Variants in ATP9A observed in about 807,000 individuals in gnomAD.
ATP9A encodes the protein ATPase phospholipid transporting 9A, also known as probable phospholipid-transporting ATPase IIA.
Under a neutral mutation model 144.1 loss-of-function variants are expected in ATP9A, and 52 were observed. That is an observed-to-expected ratio of 0.36 (90% CI 0.29 to 0.45). The LOEUF is 0.45. ATP9A is among the 20% of genes least tolerant of loss of function. The pLI, the probability that ATP9A is intolerant of heterozygous loss-of-function variation, is 1.00. For synonymous variants in ATP9A, 582 were observed against 557.4 expected, an observed-to-expected ratio of 1.04 and a Z score of -0.62; for missense variants, 947 against 1,392.7, an observed-to-expected ratio of 0.68 and a Z score of 5.09.
chr20:51,723,452 T>C (rs1215212732), intron 3 of ATP9A, among the ~76,000 whole-genome samples: 3 of 151,676 alleles, frequency 2.0e-5, no homozygotes, highest in East Asian at 3.9e-4. Context: ...CATGTGCCTG[T>C]AGTCCCAGCC....
At chr20:51,620,792 G>T (rs375458935) in intron 19 of ATP9A, among the ~76,000 whole-genome samples, 3 of 152,156 alleles carry the variant, frequency 2.0e-5, no homozygotes, top group Non-Finnish European at 2.9e-5. Flanking sequence ...CTGAAAGGAG[G>T]GGGGAGTGCG....
chr20:51,722,498 A>C (rs1487885171), intron 3 of ATP9A, among the ~76,000 whole-genome samples: 1 of 152,232 alleles, frequency 6.6e-6, no homozygotes, highest in African/African-American at 2.4e-5. Context: ...ATCAGTAAGA[A>C]AAAAACAAAC....
intron 6 of ATP9A, among the ~76,000 whole-genome samples, chr20:51,694,423 G>A (rs934078182): frequency 9.2e-5 from 14 of 152,182 alleles, no homozygotes; most frequent in Admixed American, 8.5e-4. Context: ...GAGATAGAAC[G>A]GGGACGAGCA....
intron 9 of ATP9A, among the ~76,000 whole-genome samples, chr20:51,685,018 A>T (rs1462730778): frequency 2.2e-3 from 12 of 5,428 alleles, no homozygotes; most frequent in Non-Finnish European, 4.0e-3. Flanking sequence ...CTCCAAAAAT[A>T]AAAAAAAAAA....
At chr20:51,715,677 T>A (rs1392159249) in intron 3 of ATP9A, among the ~76,000 whole-genome samples, 1 of 152,200 alleles carries the variant, frequency 6.6e-6, no homozygotes, top group African/African-American at 2.4e-5. Context: ...ACGCCATGCC[T>A]TAGTATTTTT....
chr20:51,730,247 C>T (rs897013857), intron 1 of ATP9A, among the ~76,000 whole-genome samples: 1 of 151,936 alleles, frequency 6.6e-6, no homozygotes, highest in Non-Finnish European at 1.5e-5. Context: ...GGTGGGCAGA[C>T]CACAAGGTCA....
intron 22 of ATP9A, among the ~76,000 whole-genome samples, chr20:51,614,575 C>T (rs564875517): frequency 2.0e-5 from 3 of 152,146 alleles, no homozygotes; most frequent in African/African-American, 7.2e-5. Context: ...TGCTGGGATT[C>T]CAGGCATGAG....
intron 1 of ATP9A, among the ~76,000 whole-genome samples, chr20:51,759,651 C>T (rs1009233393): frequency 1.2e-4 from 18 of 151,670 alleles, no homozygotes; most frequent in Non-Finnish European, 8.8e-5. Context: ...CCATCCTGGG[C>T]GACAAGAGCA....
chr20:51,636,193 G>A (rs1408579581), intron 15 of ATP9A, among the ~76,000 whole-genome samples: 1 of 152,158 alleles, frequency 6.6e-6, no homozygotes, highest in Non-Finnish European at 1.5e-5. Context: ...CCAATCTGAG[G>A]GTTCCTGAGT....
intron 4 of ATP9A, among the ~76,000 whole-genome samples, chr20:51,701,730 T>C (rs534488605): frequency 2.9e-4 from 44 of 152,324 alleles, no homozygotes; most frequent in African/African-American, 1.0e-3. Flanking sequence ...TTCATTAGCA[T>C]TGCAGTGTTT....
Position 51,596,863 on chromosome 20 carries a change from A to G in ATP9A, c.*4348T>C, listed in dbSNP as rs367649787. 2 of 152,226 alleles carry G rather than the reference A, an allele frequency of 1.3e-5. No individual in the cohort carries two copies. Among genetic ancestry groups the G allele is most frequent in the Non-Finnish European group, 2.9e-5 (2 of 68,038 alleles). The allele number at this position is 152,226 out of a possible 1,614,324, so 9.4% of individuals were successfully genotyped here. ...GAGTCGCTCAGAAACACGAAAGATC[A>G]TATGTGTGTCATCACAGCATCGAGA... On this transcript the variant is annotated 3_prime_UTR_variant, in exon 28 of 28. Transcript: ENST00000338821.
chr20:51,749,750 G>C (rs1392146079), intron 1 of ATP9A, among the ~76,000 whole-genome samples: 1 of 152,162 alleles, frequency 6.6e-6, no homozygotes, highest in Non-Finnish European at 1.5e-5. Context: ...CAGGGTAGCT[G>C]ACTAGAGAGA....
At chr20:51,707,463 AAGGCAC>A (rs1479731705) in intron 4 of ATP9A, among the ~76,000 whole-genome samples, 7 of 152,122 alleles carry the variant, frequency 4.6e-5, no homozygotes. Context: ...GCCAAGTCCC[AAGGCAC>A]AGTGCTGAGC....
intron 4 of ATP9A, among the ~76,000 whole-genome samples, chr20:51,708,731 G>A (rs776681556): frequency 5.3e-5 from 8 of 152,214 alleles, no homozygotes; most frequent in East Asian, 1.9e-4. Flanking sequence ...GCAAGACTCC[G>A]TCTCAATAAA....
In ATP9A at chr20:51,750,854, A is replaced by C. The variant is rs1054357879; in HGVS notation, c.68+17448T>G. 3.3e-5 allele frequency among the ~76,000 whole-genome samples: 5 copies of C among 152,044 alleles called. No homozygotes were observed. In the South Asian group the frequency reaches 1.0e-3, roughly 32 times the overall value. On this transcript the variant is annotated intron_variant, in intron 1 of 27. Transcript: ENST00000338821. ...CTAGGGAGGAATCCAAATGGCAGGA[A>C]CCCAGCAGAGACACACCAAGGGTCC...
intron 1 of ATP9A, among the ~76,000 whole-genome samples, chr20:51,754,639 C>A (rs2077848115): frequency 6.6e-6 from 1 of 151,030 alleles, no homozygotes; most frequent in South Asian, 2.1e-4. Flanking sequence ...CATGGCTAAA[C>A]CCTGTGTCTA....
chr20:51,629,979 A>G (rs1173039595), intron 15 of ATP9A, among the ~76,000 whole-genome samples: 1 of 152,242 alleles, frequency 6.6e-6, no homozygotes, highest in East Asian at 1.9e-4. Flanking sequence ...GTAGAGAACA[A>G]GGCTCAGCCC....
chr20:51,750,690 G>T (rs549904377), intron 1 of ATP9A, among the ~76,000 whole-genome samples: 2 of 152,262 alleles, frequency 1.3e-5, no homozygotes, highest in South Asian at 4.1e-4. Flanking sequence ...CACCTCAGAG[G>T]GTCTTGCAGC....
chr20:51,709,897 T>C (rs1184738069), intron 4 of ATP9A, among the ~76,000 whole-genome samples: 1 of 152,290 alleles, frequency 6.6e-6, no homozygotes, highest in East Asian at 1.9e-4. Context: ...TTATTCATCA[T>C]AAAAGGATGT....
Sources: gnomAD v4.1 joint callset for allele counts (sites outside exome capture counted in the v4.1 genomes callset) on GRCh38, gnomAD v4.1.1 for gene constraint, MANE v1.5 for transcripts, NCBI Gene and HGNC (gene_info 2026-07-23, HGNC 2026-07-21) for gene names.